Variants in TNS1 observed in about 807,000 individuals in gnomAD.
TNS1 encodes tensin 1.
A neutral mutation model predicts 168.6 loss-of-function variants in TNS1; 62 were observed. The ratio of observed to expected loss-of-function variants is 0.37; its 90% CI spans 0.30 to 0.45. The LOEUF is 0.45. TNS1 is among the 20% of genes least tolerant of loss of function. The probability of loss-of-function intolerance (pLI) is 1.00; values close to 1 mark genes in which losing one functional copy is unlikely to be tolerated. For synonymous variants in TNS1, 934 were observed against 933.2 expected (o/e 1.00, Z -0.02); for missense variants, 2,240 against 2,339.4 (o/e 0.96, Z 0.88).
chr2:217,860,617 C>T (rs911357876), intron 18 of TNS1, among the ~76,000 whole-genome samples: 6 of 152,172 alleles, frequency 3.9e-5, no homozygotes, highest in African/African-American at 7.2e-5. Context: ...TTTGTTTGCA[C>T]GCAACCTTCA....
upstream of TNS1, among the ~76,000 whole-genome samples, chr2:218,013,433 G>A (rs1958727113): frequency 6.6e-6 from 1 of 152,144 alleles, no homozygotes; most frequent in African/African-American, 2.4e-5. Context: ...GATCAGGGAA[G>A]CCTGGGCAGG....
intron 22 of TNS1, among the ~76,000 whole-genome samples, chr2:217,825,733 C>T (rs1943523882): frequency 6.6e-6 from 1 of 152,230 alleles, no homozygotes; most frequent in Admixed American, 6.5e-5. Flanking sequence ...GGCCTAAACA[C>T]AGGCACCTGA....
chr2:218,016,488 A>G (rs1387167020), intron 1 of TNS1, among the ~76,000 whole-genome samples: 1 of 152,106 alleles, frequency 6.6e-6, no homozygotes, highest in Non-Finnish European at 1.5e-5. Context: ...GCTCCTCCCC[A>G]GGGCCCACTC....
chr2:217,902,190 C>G (rs985322388), intron 6 of TNS1, among the ~76,000 whole-genome samples: 1 of 152,174 alleles, frequency 6.6e-6, no homozygotes, highest in Non-Finnish European at 1.5e-5. Flanking sequence ...AACACAGAAA[C>G]CCAACAGTTC....
At chr2:217,952,970 T>C (rs933529914) in intron 3 of TNS1, among the ~76,000 whole-genome samples, 4 of 152,072 alleles carry the variant, frequency 2.6e-5, no homozygotes, top group African/African-American at 7.2e-5. Flanking sequence ...AAAATCACCA[T>C]AGGGAGGAGC....
At chr2:217,981,068 C>CT (rs1320428457) in intron 2 of TNS1, among the ~76,000 whole-genome samples, 8 of 152,226 alleles carry the variant, frequency 5.3e-5, no homozygotes, top group African/African-American at 1.9e-4. Flanking sequence ...CCACACTACA[C>CT]TCAGAGGGCA....
intron 6 of TNS1, among the ~76,000 whole-genome samples, chr2:217,902,248 C>G (rs1953087550): frequency 6.6e-6 from 1 of 152,176 alleles, no homozygotes; most frequent in Non-Finnish European, 1.5e-5. Context: ...CTGAATCTCC[C>G]CAGGCCCTAG....
At chr2:217,821,647 G>A (rs1036939859) in intron 23 of TNS1, 93 bp downstream of exon 23, 12 of 1,262,234 alleles carry the variant, frequency 9.5e-6, no homozygotes, top group African/African-American at 7.8e-5. Flanking sequence ...GCCTGTCCAC[G>A]CCATAGGCAA....
chr2:217,857,502 T>C (rs1172904011), intron 18 of TNS1, among the ~76,000 whole-genome samples: 1 of 152,192 alleles, frequency 6.6e-6, no homozygotes, highest in Non-Finnish European at 1.5e-5. Flanking sequence ...CAACATAATA[T>C]ATGGTGCTTC....
chr2:217,916,133 C>T (rs868236502), intron 4 of TNS1, among the ~76,000 whole-genome samples: 1 of 152,140 alleles, frequency 6.6e-6, no homozygotes, highest in African/African-American at 2.4e-5. Flanking sequence ...GTGTTTAGAA[C>T]GAAGCTCGGC....
chr2:217,972,054 C>A (rs1269101979), intron 3 of TNS1, among the ~76,000 whole-genome samples: 1 of 152,142 alleles, frequency 6.6e-6, no homozygotes, highest in Non-Finnish European at 1.5e-5. Flanking sequence ...CAGAAGAATA[C>A]AAAATAATAA....
intron 4 of TNS1, among the ~76,000 whole-genome samples, chr2:217,909,571 C>CCACACACACACACACACACA (rs3054350): frequency 1.4e-5 from 2 of 147,194 alleles, no homozygotes; most frequent in South Asian, 2.3e-4. Context: ...GCCTGGGTGC[C>CCACACACACACACACACACA]CACACACACA....
At chr2:217,879,406 T>C (rs1000338341) in intron 18 of TNS1, 5 of 453,720 alleles carry the variant, frequency 1.1e-5, no homozygotes, top group African/African-American at 1.0e-4. Context: ...CTCTGCTTTC[T>C]GCTTGGCCGC....
chr2:217,939,029 C>T (rs1006327253), intron 3 of TNS1, among the ~76,000 whole-genome samples: 7 of 152,118 alleles, frequency 4.6e-5, no homozygotes, highest in African/African-American at 1.7e-4. Context: ...GAGAGAACTC[C>T]ATCACCACCA....
chr2:217,968,428 C>G (rs73080347), intron 3 of TNS1, among the ~76,000 whole-genome samples: 8,645 of 152,134 alleles, frequency 0.057, 734 homozygotes, highest in African/African-American at 0.18. Flanking sequence ...TTAATAAATA[C>G]TGATGATTGT....
rs1293523958 is a variant in TNS1 at position 217,839,213 on chromosome 2, G to A, written c.3008-3002C>T. The stretch of plus-strand genomic sequence containing the variant: ...AGGCCGTGTGGCCAGAGGAAGAAAG[G>A]AAGAGAAGCTCCCAGGAGGCTGAGA... On this transcript the variant is annotated intron_variant, in intron 19 of 32. Transcript: ENST00000682258. Among the ~76,000 whole-genome samples, 3 of 152,138 alleles carry A rather than the reference G, an allele frequency of 2.0e-5. No homozygotes were observed. In the East Asian group the frequency reaches 5.8e-4, roughly 29 times the overall value.
At chr2:217,951,529 T>C (rs370902850) in intron 3 of TNS1, among the ~76,000 whole-genome samples, 5 of 152,202 alleles carry the variant, frequency 3.3e-5, no homozygotes, top group African/African-American at 9.6e-5. Flanking sequence ...TTGCTACTCC[T>C]CTCCTAACTA....
At chr2:218,007,249 C>T (rs144057929), upstream of TNS1, among the ~76,000 whole-genome samples, 570 of 152,294 alleles carry the variant, frequency 3.7e-3, 2 homozygotes, top group African/African-American at 0.012. Context: ...CTGGTATTCT[C>T]CCCCTTCCCC....
chr2:217,814,404 C>T (rs998554163), intron 25 of TNS1, among the ~76,000 whole-genome samples: 1 of 152,224 alleles, frequency 6.6e-6, no homozygotes, highest in African/African-American at 2.4e-5. Flanking sequence ...CACTCTGCCA[C>T]TGCAGCAGGA....
Sources: gnomAD v4.1 joint callset for allele counts (sites outside exome capture counted in the v4.1 genomes callset) on GRCh38, gnomAD v4.1.1 for gene constraint, MANE v1.5 for transcripts, NCBI Gene and HGNC (gene_info 2026-07-23, HGNC 2026-07-21) for gene names.